Variants in ACTL8 observed in about 807,000 individuals in gnomAD.
The protein encoded by ACTL8 is actin like 8.
Under a neutral mutation model 9.3 loss-of-function variants are expected in ACTL8, and 3 were observed. The ratio of observed to expected loss-of-function variants is 0.32; its 90% confidence interval spans 0.15 to 0.83. The LOEUF (loss-of-function observed/expected upper bound fraction) is 0.83, where lower values mean the gene tolerates loss of function less well. Among genes scored for constraint, ACTL8 ranks in the 40% least tolerant of loss-of-function variants. The pLI is 0.57. For synonymous variants in ACTL8, 224 were observed against 205.9 expected, an observed-to-expected ratio of 1.09 and a Z score of -0.75; for missense variants, 381 against 492.2, an observed-to-expected ratio of 0.77 and a Z score of 2.14.
chr1:17,787,695 A>G (rs1390637088), intron 1 of ACTL8, among the ~76,000 whole-genome samples: 1 of 151,480 alleles, frequency 6.6e-6, no homozygotes, highest in Non-Finnish European at 1.5e-5. Flanking sequence ...CATAATAAAT[A>G]GCACCAAGAT....
intron 1 of ACTL8, among the ~76,000 whole-genome samples, chr1:17,760,503 T>C (rs1229541256): frequency 2.0e-5 from 3 of 152,156 alleles, no homozygotes; most frequent in Non-Finnish European, 2.9e-5. Context: ...TGCACAGTGG[T>C]TGCAGCCAAC....
intron 1 of ACTL8, among the ~76,000 whole-genome samples, chr1:17,788,963 A>G (rs2066218851): frequency 6.6e-6 from 1 of 152,232 alleles, no homozygotes; most frequent in Admixed American, 6.5e-5. Context: ...TCAAAGAGGT[A>G]TACACGAATT....
chr1:17,761,806 G>A (rs1046113262), intron 1 of ACTL8, among the ~76,000 whole-genome samples: 8 of 152,128 alleles, frequency 5.3e-5, no homozygotes, highest in Non-Finnish European at 8.8e-5. Flanking sequence ...CCCGACCTCA[G>A]GTGGTCCGCC....
chr1:17,766,413 C>T (rs1156876824), intron 1 of ACTL8, among the ~76,000 whole-genome samples: 5 of 152,188 alleles, frequency 3.3e-5, no homozygotes, highest in African/African-American at 4.8e-5. Flanking sequence ...CCCGGGTCTT[C>T]TGCTCCCATG....
intron 1 of ACTL8, among the ~76,000 whole-genome samples, chr1:17,809,769 C>A (rs1199411853): frequency 6.6e-6 from 1 of 151,914 alleles, no homozygotes; most frequent in African/African-American, 2.4e-5. Context: ...GCTCAGGCCT[C>A]CCACTGATTC....
At chr1:17,763,312 C>T (rs2066020828) in intron 1 of ACTL8, among the ~76,000 whole-genome samples, 1 of 152,132 alleles carries the variant, frequency 6.6e-6, no homozygotes, top group South Asian at 2.1e-4. Flanking sequence ...TGGCCCAACG[C>T]TCCTCTGACC....
At chr1:17,815,854 T>C (rs537269830) in intron 1 of ACTL8, among the ~76,000 whole-genome samples, 1 of 152,324 alleles carries the variant, frequency 6.6e-6, no homozygotes, top group African/African-American at 2.4e-5. Context: ...GTAAATTTTT[T>C]TCTCTCTGTG....
At chr1:17,815,375 C>T (rs2066419696) in intron 1 of ACTL8, among the ~76,000 whole-genome samples, 2 of 152,170 alleles carry the variant, frequency 1.3e-5, no homozygotes, top group Admixed American at 1.3e-4. Flanking sequence ...TTTCCTTCAT[C>T]TAAGAATGTC....
intron 1 of ACTL8, among the ~76,000 whole-genome samples, chr1:17,807,802 C>T (rs2066368864): frequency 6.6e-6 from 1 of 151,154 alleles, no homozygotes; most frequent in Non-Finnish European, 1.5e-5. Context: ...AATGAGAACA[C>T]ATGGACACAG....
intron 1 of ACTL8, among the ~76,000 whole-genome samples, chr1:17,774,227 C>A (rs901798256): frequency 9.2e-5 from 14 of 152,108 alleles, no homozygotes; most frequent in Non-Finnish European, 1.8e-4. Flanking sequence ...GGCAGCCTGA[C>A]GAATAATCGC....
At chr1:17,766,069 A>G (rs770904030) in intron 1 of ACTL8, among the ~76,000 whole-genome samples, 25 of 152,158 alleles carry the variant, frequency 1.6e-4, no homozygotes, top group African/African-American at 6.0e-4. Flanking sequence ...AAGCAATGAC[A>G]CCCTGTGACA....
At chr1:17,807,079 C>T (rs534144395) in intron 1 of ACTL8, among the ~76,000 whole-genome samples, 1 of 152,338 alleles carries the variant, frequency 6.6e-6, no homozygotes. Flanking sequence ...ATCTGCACAT[C>T]TTTCTCTGAC....
chr1:17,806,342 C>T (rs1468368480), intron 1 of ACTL8, among the ~76,000 whole-genome samples: 2 of 152,202 alleles, frequency 1.3e-5, no homozygotes, highest in Non-Finnish European at 2.9e-5. Flanking sequence ...ATAATTAAAA[C>T]CCTGTCCTCC....
chr1:17,785,258 C>G (rs1331377826), intron 1 of ACTL8, among the ~76,000 whole-genome samples: 1 of 152,184 alleles, frequency 6.6e-6, no homozygotes, highest in Non-Finnish European at 1.5e-5. Flanking sequence ...CATCCATAGA[C>G]TGGAAGTAAG....
chr1:17,808,589 A>G (rs926464142), intron 1 of ACTL8, among the ~76,000 whole-genome samples: 2 of 152,178 alleles, frequency 1.3e-5, no homozygotes, highest in Non-Finnish European at 2.9e-5. Context: ...TGCCCTCATC[A>G]TTGGGTTTTT....
chr1:17,783,085 C>T (rs1250742580), intron 1 of ACTL8, among the ~76,000 whole-genome samples: 1 of 152,142 alleles, frequency 6.6e-6, no homozygotes, highest in Non-Finnish European at 1.5e-5. Context: ...GTCTTGCTTC[C>T]AGTTTATGGA....
chr1:17,765,630 C>A (rs536116477), intron 1 of ACTL8, among the ~76,000 whole-genome samples: 1 of 152,322 alleles, frequency 6.6e-6, no homozygotes, highest in African/African-American at 2.4e-5. Context: ...TGGCTCCATT[C>A]CACACATGAT....
At chr1:17,820,687 C>A (rs559543135) in intron 1 of ACTL8, among the ~76,000 whole-genome samples, 1 of 148,922 alleles carries the variant, frequency 6.7e-6, no homozygotes, top group Non-Finnish European at 1.5e-5. Flanking sequence ...CCTCCCTCAG[C>A]CCCCCCAGTA....
intron 1 of ACTL8, among the ~76,000 whole-genome samples, chr1:17,766,742 G>C (rs1026493089): frequency 6.6e-6 from 1 of 152,134 alleles, no homozygotes; most frequent in Non-Finnish European, 1.5e-5. Context: ...TGGAACCCAC[G>C]TAGTCTTCAG....
Sources: gnomAD v4.1 joint callset for allele counts (sites outside exome capture counted in the v4.1 genomes callset) on GRCh38, gnomAD v4.1.1 for gene constraint, MANE v1.5 for transcripts, NCBI Gene and HGNC (gene_info 2026-07-23, HGNC 2026-07-21) for gene names.